Variants in FNBP1 observed in about 807,000 individuals in gnomAD.
FNBP1 encodes the protein formin binding protein 1, also known as formin-binding protein 1.
Under a neutral mutation model 90.6 loss-of-function variants are expected in FNBP1, and 26 were observed. That is an observed-to-expected ratio of 0.29 (90% confidence interval 0.21 to 0.40). The LOEUF (loss-of-function observed/expected upper bound fraction) is 0.40, where lower values mean the gene tolerates loss of function less well. Ranked by LOEUF, FNBP1 falls within the 10% of genes least tolerant of loss-of-function variation. The pLI is 1.00. For missense variants in FNBP1, 635 were observed against 768.0 expected, an observed-to-expected ratio of 0.83 and a Z score of 2.05; for synonymous variants, 260 against 265.2, an observed-to-expected ratio of 0.98 and a Z score of 0.19.
At chr9:130,009,774 C>A (rs2056297541) in intron 1 of FNBP1, among the ~76,000 whole-genome samples, 1 of 152,118 alleles carries the variant, frequency 6.6e-6, no homozygotes, top group African/African-American at 2.4e-5. Context: ...TGCACTCCAG[C>A]CTGGTAACAG....
chr9:129,917,413 G>A (rs2040424650), intron 10 of FNBP1, among the ~76,000 whole-genome samples: 1 of 151,804 alleles, frequency 6.6e-6, no homozygotes, highest in South Asian at 2.1e-4. Context: ...GCTCACTGAA[G>A]CCTCAACCTC....
At chr9:129,944,181 C>T (rs529320346) in intron 6 of FNBP1, among the ~76,000 whole-genome samples, 3 of 151,930 alleles carry the variant, frequency 2.0e-5, no homozygotes, top group Admixed American at 6.6e-5. Context: ...TACAGTCCTA[C>T]TGGTGTTTCA....
At chr9:130,025,615 G>T (rs1200953972) in intron 1 of FNBP1, among the ~76,000 whole-genome samples, 1 of 152,110 alleles carries the variant, frequency 6.6e-6, no homozygotes, top group African/African-American at 2.4e-5. Flanking sequence ...ATTCAGTCTC[G>T]ACATGGAATT....
In FNBP1 at chr9:129,988,338, T is replaced by TCAC. The variant is rs2052610040; in HGVS notation, c.140+6504_140+6505insGTG. Among the ~76,000 whole-genome samples, 13 of 151,430 alleles carry TCAC rather than the reference T, an allele frequency of 8.6e-5. 1 individual carries two copies. The highest frequency in any genetic ancestry group is 2.9e-4 in the African/African-American group (12 of 40,834). On this transcript the variant is annotated intron_variant, in intron 2 of 16. Coordinates refer to ENST00000446176, the MANE Select transcript of FNBP1 (RefSeq NM_015033.3). ...TTCAACCTATACTACCTTGAATAGA[T>TCAC]AGTGACCTCAGGGGTTGGCAAACTT... is the stretch of plus-strand genomic sequence containing the variant.
intron 1 of FNBP1, among the ~76,000 whole-genome samples, chr9:130,012,546 C>A (rs1297831809): frequency 6.6e-6 from 1 of 152,060 alleles, no homozygotes; most frequent in East Asian, 1.9e-4. Context: ...GAATTAAGAA[C>A]CTAAATGTAA....
chr9:129,908,776 C>G, intron 12 of FNBP1, 114 bp downstream of exon 12: 2 of 659,206 alleles, frequency 3.0e-6, no homozygotes, highest in African/African-American at 3.6e-5. Context: ...TGGTCTTGAT[C>G]TCTTGACCTC....
intron 4 of FNBP1, among the ~76,000 whole-genome samples, chr9:129,965,529 T>C (rs2048420350): frequency 6.6e-6 from 1 of 152,072 alleles, no homozygotes; most frequent in South Asian, 2.1e-4. Flanking sequence ...TGATCTTTTA[T>C]CTGTTTTTCA....
At chr9:129,992,549 CTTTTTTTTT>C (rs11455680) in intron 2 of FNBP1, among the ~76,000 whole-genome samples, 3 of 92,532 alleles carry the variant, frequency 3.2e-5, no homozygotes, top group Admixed American at 1.5e-4. Flanking sequence ...ACACATAGCT[CTTTTTTTTT>C]TTTTTTTTTT....
intron 4 of FNBP1, among the ~76,000 whole-genome samples, chr9:129,976,937 G>A (rs1052636352): frequency 4.6e-5 from 7 of 152,164 alleles, no homozygotes; most frequent in African/African-American, 1.7e-4. Context: ...AGGCCAAGGC[G>A]GGTAGATCAC....
intron 6 of FNBP1, among the ~76,000 whole-genome samples, chr9:129,935,957 T>G (rs976000122): frequency 8.3e-5 from 3 of 36,212 alleles, no homozygotes; most frequent in African/African-American, 2.7e-4. Flanking sequence ...CCTTAAATGA[T>G]AAACTATATA....
At chr9:130,028,036 C>A (rs2058512177) in intron 1 of FNBP1, among the ~76,000 whole-genome samples, 1 of 152,142 alleles carries the variant, frequency 6.6e-6, no homozygotes, top group South Asian at 2.1e-4. Flanking sequence ...CCCGGAAAAA[C>A]CAGGATTCCA....
chr9:129,925,006 C>T lies in FNBP1; in HGVS notation c.941G>A (p.Gly314Asp). The T allele has an allele frequency of 6.2e-7, 1 of 1,613,810 alleles. No individual in the cohort carries two copies. The highest frequency in any genetic ancestry group is 1.3e-5 in the African/African-American group (1 of 75,006). ...RGEGKPDLKF[G>D]GKSKGKLWPF... The stretch of plus-strand genomic sequence containing the variant: ...CCATAACTTTCCTTTGGATTTGCCA[C>T]CAAATTTGAGGTCTGGTTTGCCTTC... Residue 314 changes from glycine (G) to aspartate (D), a missense_variant, in exon 9 of 17, where the codon GGT (glycine) becomes GAT (aspartate). Transcript: ENST00000446176.
chr9:130,012,497 C>G (rs2056745236), intron 1 of FNBP1, among the ~76,000 whole-genome samples: 1 of 151,980 alleles, frequency 6.6e-6, no homozygotes, highest in Admixed American at 6.6e-5. Flanking sequence ...AAAACCTCTA[C>G]TTTTAAAAAT....
At chr9:129,938,906 C>T (rs1480233002) in intron 6 of FNBP1, among the ~76,000 whole-genome samples, 1 of 152,138 alleles carries the variant, frequency 6.6e-6, no homozygotes, top group South Asian at 2.1e-4. Flanking sequence ...CTTGGCCCCC[C>T]TTTCCCCCCT....
At chr9:130,047,590 G>A (rs546474298), upstream of FNBP1, among the ~76,000 whole-genome samples, 1 of 152,232 alleles carries the variant, frequency 6.6e-6, no homozygotes, top group East Asian at 1.9e-4. Context: ...TCTAGCCTGG[G>A]CAACAGAGCG....
At chr9:129,961,139 C>A (rs527244579) in intron 4 of FNBP1, among the ~76,000 whole-genome samples, 27 of 151,916 alleles carry the variant, frequency 1.8e-4, no homozygotes, top group African/African-American at 5.1e-4. Context: ...ATGGTGAAAC[C>A]CCGTCTCTAC....
At chr9:129,938,138 G>A (rs1027644441) in intron 6 of FNBP1, among the ~76,000 whole-genome samples, 9 of 152,018 alleles carry the variant, frequency 5.9e-5, no homozygotes, top group Non-Finnish European at 1.0e-4. Context: ...ACTCCAGCCT[G>A]GGCAACAGAG....
intron 5 of FNBP1, among the ~76,000 whole-genome samples, chr9:129,958,124 T>G (rs1366217088): frequency 6.6e-6 from 1 of 152,150 alleles, no homozygotes; most frequent in Non-Finnish European, 1.5e-5. Context: ...AAATTGAAAC[T>G]GGAAAATCTA....
At chr9:130,048,284 C>T in the FNBP1 span, among the ~76,000 whole-genome samples, 34 of 122,816 alleles carry the variant, frequency 2.8e-4, no homozygotes, top group African/African-American at 9.0e-4. Context: ...CCACTTCACT[C>T]CAGCCTGGCG....
Sources: gnomAD v4.1 joint callset for allele counts (sites outside exome capture counted in the v4.1 genomes callset) on GRCh38, gnomAD v4.1.1 for gene constraint, MANE v1.5 for transcripts, NCBI Gene and HGNC (gene_info 2026-07-23, HGNC 2026-07-21) for gene names.